TOP3A: variants seen among roughly 807,000 people sequenced by gnomAD.
TOP3A encodes DNA topoisomerase 3-alpha.
TOP3A carries 64 observed loss-of-function variants against 111.3 expected under a neutral mutation model. The ratio of observed to expected loss-of-function variants is 0.57; its 90% CI spans 0.47 to 0.71. The LOEUF (loss-of-function observed/expected upper bound fraction) is 0.71, where lower values mean the gene tolerates loss of function less well. TOP3A is among the 30% of genes least tolerant of loss of function. The probability of loss-of-function intolerance (pLI) is 0.00; values close to 1 mark genes in which losing one functional copy is unlikely to be tolerated. For missense variants in TOP3A, 1,104 were observed against 1,285.0 expected (o/e 0.86, Z 2.15); for synonymous variants, 484 against 485.1 (o/e 1.00, Z 0.03).
chr17:18,277,858 C>G lies in TOP3A; in HGVS notation c.2644G>C (p.Gly882Arg), dbSNP rs1979482529. 6.2e-7 allele frequency: 1 copy of G among 1,614,122 alleles called. No individual in the cohort carries two copies. The highest frequency in any genetic ancestry group is 1.1e-5 in the South Asian group (1 of 91,090). The change falls in exon 18 of 19, where the codon GGT becomes CGT. Residue 882 changes from glycine to arginine, a missense_variant. Coordinates refer to ENST00000321105, the MANE Select transcript of TOP3A (RefSeq NM_004618.5). ...CCATCACCAGGGTTGCCAAACCCACCTAGGTGGATCCCTGGGCCTGGTGGG... is the reference window on the plus strand; with the variant it reads ...CCATCACCAGGGTTGCCAAACCCACGTAGGTGGATCCCTGGGCCTGGTGGG... ...GCPPGPGIHL[G>R]GFGNPGDGSG...
At chr17:18,282,574 C>A (rs532706601) in intron 16 of TOP3A, 124 bp downstream of exon 16, 2 of 1,358,846 alleles carry the variant, frequency 1.5e-6, no homozygotes, top group African/African-American at 1.4e-5. Context: ...ACCTTGCCTG[C>A]AGGTTGGCAA....
At chr17:18,284,242 G>A (rs11868259) in intron 15 of TOP3A, among the ~76,000 whole-genome samples, 45,612 of 149,976 alleles carry the variant, frequency 0.3, 7,200 homozygotes, top group African/African-American at 0.34. Flanking sequence ...TTGAACTCCT[G>A]ACCTTGTGAT....
chr17:18,297,202 G>T (rs1181190717), intron 9 of TOP3A, among the ~76,000 whole-genome samples: 1 of 152,190 alleles, frequency 6.6e-6, no homozygotes, highest in Admixed American at 6.5e-5. Context: ...GAGGTGGGCA[G>T]ATCACCTGAG....
rs1251675542 is a variant in TOP3A, at chr17:18,277,909, T to C, written c.2593A>G (p.Arg865Gly). The C allele has an allele frequency of 2.6e-5, 42 of 1,613,822 alleles. No individual in the cohort carries two copies. Among genetic ancestry groups the C allele is most frequent in the Non-Finnish European group, 3.5e-5 (41 of 1,180,024 alleles). ...CATCCCAGGGAGGCGCCCAGGGGTCTATATGCCAAGGCAGGAGGCCCTCCT... is the reference window on the plus strand; with the variant it reads ...CATCCCAGGGAGGCGCCCAGGGGTCCATATGCCAAGGCAGGAGGCCCTCCT... ...GAGGPPALAY[R>G]PLGASLGCPP... The change falls in exon 18 of 19, where the codon AGA (arginine) becomes GGA (glycine). Residue 865 changes from arginine (R) to glycine (G), a missense_variant. Transcript: ENST00000321105.
At chr17:18,307,291 T>A (rs1981636255) in intron 3 of TOP3A, 1 of 213,954 alleles carries the variant, frequency 4.7e-6, no homozygotes, top group Non-Finnish European at 9.5e-6. Context: ...CAGATAATCC[T>A]AGGTCATCTT....
In TOP3A at chr17:18,314,784, G is replaced by A; in HGVS notation, c.-6C>T. The A allele has an allele frequency of 6.6e-7, 1 of 1,515,254 alleles. No homozygotes were observed. Among genetic ancestry groups the A allele is most frequent in the South Asian group, 1.2e-5 (1 of 81,954 alleles). 93.9% of individuals were successfully genotyped at this position (1,515,254 alleles called of 1,614,324 possible). Reference sequence around the variant, plus strand: ...CGGGCGACAGGAAAGATCATCCTCAGACCTCGCGCCCGGAGCCGCTCCCCG... The same window carrying A: ...CGGGCGACAGGAAAGATCATCCTCAAACCTCGCGCCCGGAGCCGCTCCCCG... On this transcript the variant is annotated 5_prime_UTR_variant, in exon 1 of 19. Coordinates refer to ENST00000321105, the MANE Select transcript of TOP3A (RefSeq NM_004618.5).
Position 18,305,074 on chromosome 17 carries a change from C to T in TOP3A, c.499+38G>A, listed in dbSNP as rs1567750204. The T allele has an allele frequency of 2.6e-6, 4 of 1,561,058 alleles. No homozygotes were observed. The African/African-American group carries it at 4.1e-5, about 16-fold the overall frequency. ...ACAAGAACACTCTATTTATGGAGTTCCAAAGTAGAGAAAGTCAGCAGCAGC... is the reference window on the plus strand; with the variant it reads ...ACAAGAACACTCTATTTATGGAGTTTCAAAGTAGAGAAAGTCAGCAGCAGC... On this transcript the variant is annotated intron_variant, in intron 5 of 18. Coordinates refer to ENST00000321105, the MANE Select transcript of TOP3A (RefSeq NM_004618.5).
At chr17:18,290,379 TAC>T (rs1391916050) in intron 13 of TOP3A, among the ~76,000 whole-genome samples, 176 bp downstream of exon 13, 1 of 152,214 alleles carries the variant, frequency 6.6e-6, no homozygotes, top group African/African-American at 2.4e-5. Context: ...GTTTTAATAA[TAC>T]ACACTTTGTG....
Position 18,271,983 on chromosome 17 carries a change from T to C in TOP3A, c.*2819A>G, listed in dbSNP as rs1197428341. Reference sequence around the variant, plus strand: ...TGGGAGGCTGAGGCAGGAGAACTGCTTGAACCCAGGAGGCAGAGGTTGCAG... The same window carrying C: ...TGGGAGGCTGAGGCAGGAGAACTGCCTGAACCCAGGAGGCAGAGGTTGCAG... On this transcript the variant is annotated 3_prime_UTR_variant, in exon 19 of 19. Transcript: ENST00000321105. 2.2e-5 allele frequency: 6 copies of C among 266,872 alleles called. No individual in the cohort carries two copies. Among genetic ancestry groups the C allele is most frequent in the Non-Finnish European group, 4.5e-5 (6 of 134,066 alleles). 16.5% of individuals were successfully genotyped at this position (266,872 alleles called of 1,614,324 possible).
intron 18 of TOP3A, 76 bp downstream of exon 18, chr17:18,277,599 T>C (rs890998881): frequency 7.6e-5 from 115 of 1,517,802 alleles, no homozygotes; most frequent in Middle Eastern, 2.3e-4. Flanking sequence ...CCTTGCCTTC[T>C]TTCTGCTGTC....
chr17:18,297,363 T>C (rs1980876299), intron 9 of TOP3A, among the ~76,000 whole-genome samples: 1 of 152,172 alleles, frequency 6.6e-6, no homozygotes, highest in Non-Finnish European at 1.5e-5. Flanking sequence ...AGGCAGAAGT[T>C]GTGGTGAGCT....
At chr17:18,294,831 G>C (rs771185341) in intron 9 of TOP3A, 46 bp from the exon 10 acceptor site, 39 of 1,304,036 alleles carry the variant, frequency 3.0e-5, no homozygotes, top group Non-Finnish European at 2.2e-6. Flanking sequence ...GCATGGGTCA[G>C]GCAGCACAAC....
intron 8 of TOP3A, 71 bp from the exon 9 acceptor site, chr17:18,299,704 C>T (rs544275722): frequency 4.7e-5 from 66 of 1,391,050 alleles, no homozygotes; most frequent in Non-Finnish European, 6.5e-5. Flanking sequence ...TATGGATAGC[C>T]CATGCCAATC....
chr17:18,283,367 C>G (rs1979890067), intron 15 of TOP3A, among the ~76,000 whole-genome samples: 1 of 150,958 alleles, frequency 6.6e-6, no homozygotes, highest in African/African-American at 2.4e-5. Context: ...GAAACTCCAT[C>G]TCAAAAAAAA....
At chr17:18,284,234 G>C (rs1185285595) in intron 15 of TOP3A, among the ~76,000 whole-genome samples, 1 of 148,422 alleles carries the variant, frequency 6.7e-6, no homozygotes, top group Non-Finnish European at 1.5e-5. Context: ...GGCTGGTCTT[G>C]AACTCCTGAC....
intron 10 of TOP3A, among the ~76,000 whole-genome samples, chr17:18,294,415 C>T (rs746030365): frequency 6.6e-6 from 1 of 151,972 alleles, no homozygotes; most frequent in African/African-American, 2.4e-5. Flanking sequence ...CTGCAACCTC[C>T]GCCTCCTGGG....
rs7207123 is a variant in TOP3A, at chr17:18,305,230, G to A, written c.391-10C>T. ...CTCGTTCCAAAGTTTTCTTAAGTTCGCAGTGGAATAAGAGTGGTGAGAACA... is the reference window on the plus strand; with the variant it reads ...CTCGTTCCAAAGTTTTCTTAAGTTCACAGTGGAATAAGAGTGGTGAGAACA... On this transcript the variant is annotated splice_polypyrimidine_tract_variant and intron_variant, in intron 4 of 18. Coordinates refer to ENST00000321105, the MANE Select transcript of TOP3A (RefSeq NM_004618.5). 0.32 allele frequency: 516,322 copies of A among 1,607,960 alleles called. 88,644 individuals carry two copies. The highest frequency in any genetic ancestry group is 0.61 in the African/African-American group (45,415 of 74,804).
intron 1 of TOP3A, chr17:18,311,966 C>G (rs555701364): frequency 2.0e-5 from 3 of 152,448 alleles, no homozygotes; most frequent in African/African-American, 7.2e-5. Context: ...CATGGAGCAG[C>G]AGTAGGCCAA....
rs1310044511 is a variant in TOP3A, at chr17:18,272,833, T to G, written c.*1969A>C. The G allele has an allele frequency of 6.6e-6, 1 of 152,210 alleles. No homozygotes were observed. The highest frequency in any genetic ancestry group is 1.5e-5 in the Non-Finnish European group (1 of 68,068). 9.4% of individuals were successfully genotyped at this position (152,210 alleles called of 1,614,324 possible). A position where few individuals can be genotyped will look rare whatever the true frequency, so the allele number is the denominator to read the frequency against. On this transcript the variant is annotated 3_prime_UTR_variant, in exon 19 of 19. Coordinates refer to ENST00000321105, the MANE Select transcript of TOP3A (RefSeq NM_004618.5). ...ACCACGCCCGGCTAATTTTTGTATT[T>G]TTTTAGAGACGGGGTTTCATCATAT...
Sources: gnomAD v4.1 joint callset for allele counts (sites outside exome capture counted in the v4.1 genomes callset) on GRCh38, gnomAD v4.1.1 for gene constraint, MANE v1.5 for transcripts, NCBI Gene and HGNC (gene_info 2026-07-23, HGNC 2026-07-21) for gene names.